LRRC4C: variants seen among roughly 807,000 people sequenced by gnomAD.
The protein encoded by LRRC4C is leucine rich repeat containing 4C, also known as leucine-rich repeat-containing protein 4C.
Under a neutral mutation model 33.6 loss-of-function variants are expected in LRRC4C, and 5 were observed. The ratio of observed to expected loss-of-function variants is 0.15; its 90% CI spans 0.08 to 0.31. The LOEUF is 0.31. LRRC4C is among the 10% of genes least tolerant of loss of function. The probability of loss-of-function intolerance (pLI) is 1.00; values close to 1 mark genes in which losing one functional copy is unlikely to be tolerated. For synonymous variants in LRRC4C, 329 were observed against 302.0 expected (o/e 1.09, Z -0.93); for missense variants, 560 against 796.7 (o/e 0.70, Z 3.58).
chr11:41,424,971 CAGAA>C (rs984554070), intron 1 of LRRC4C, among the ~76,000 whole-genome samples: 162 of 151,728 alleles, frequency 1.1e-3, no homozygotes, highest in African/African-American at 3.9e-3. Flanking sequence ...TAATTTTATA[CAGAA>C]AGAAATAGGA....
At chr11:41,431,629 AAG>A (rs908048945) in intron 1 of LRRC4C, among the ~76,000 whole-genome samples, 2 of 127,228 alleles carry the variant, frequency 1.6e-5, no homozygotes, top group Non-Finnish European at 3.7e-5. Flanking sequence ...CAAGATTTCT[AAG>A]AGTGTGTGTG....
At chr11:41,249,143 T>C (rs1591059635) in intron 1 of LRRC4C, among the ~76,000 whole-genome samples, 1 of 151,898 alleles carries the variant, frequency 6.6e-6, no homozygotes, top group Non-Finnish European at 1.5e-5. Context: ...CATGCCATTC[T>C]CCTGCCTCAG....
chr11:40,350,209 A>G (rs2137075304), intron 3 of LRRC4C, among the ~76,000 whole-genome samples: 1 of 152,196 alleles, frequency 6.6e-6, no homozygotes, highest in Admixed American at 6.6e-5. Flanking sequence ...TTCTTTTAGT[A>G]GTTTCATAGC....
intron 1 of LRRC4C, among the ~76,000 whole-genome samples, chr11:40,946,668 T>C (rs1201079780): frequency 6.6e-6 from 1 of 152,192 alleles, no homozygotes; most frequent in African/African-American, 2.4e-5. Context: ...TCCCTTATTG[T>C]GGTTTTGATT....
chr11:41,345,666 G>T (rs1234069509), intron 1 of LRRC4C, among the ~76,000 whole-genome samples: 1 of 152,132 alleles, frequency 6.6e-6, no homozygotes, highest in Non-Finnish European at 1.5e-5. Flanking sequence ...CATTTGCAGT[G>T]GTTCTTCATT....
intron 2 of LRRC4C, among the ~76,000 whole-genome samples, chr11:40,712,808 C>A (rs11036032): frequency 0.55 from 83,975 of 151,744 alleles, 23,422 homozygotes; most frequent in African/African-American, 0.59. Context: ...ATTAATAAAC[C>A]AAAGAGCATT....
At chr11:40,239,943 C>A (rs1470812) in intron 5 of LRRC4C, among the ~76,000 whole-genome samples, 2 of 152,058 alleles carry the variant, frequency 1.3e-5, no homozygotes, top group East Asian at 1.9e-4. Flanking sequence ...ATCAGCATCA[C>A]GTGCGAGCTT....
intron 3 of LRRC4C, among the ~76,000 whole-genome samples, chr11:40,456,925 A>C (rs1272521586): frequency 2.0e-5 from 3 of 151,752 alleles, no homozygotes; most frequent in African/African-American, 7.2e-5. Flanking sequence ...GAAGGGGAAA[A>C]AAAAGAAAAC....
intron 1 of LRRC4C, among the ~76,000 whole-genome samples, chr11:41,009,765 G>T (rs891602860): frequency 1.3e-5 from 2 of 152,098 alleles, no homozygotes; most frequent in African/African-American, 4.8e-5. Flanking sequence ...TTTTGGAGAG[G>T]CTACACATTT....
At chr11:40,665,308 TA>T (rs55827045) in intron 2 of LRRC4C, among the ~76,000 whole-genome samples, 1,319 of 43,142 alleles carry the variant, frequency 0.031, 26 homozygotes, top group Middle Eastern at 0.052. Context: ...ATTGCTTTCT[TA>T]AAAAAAAAAA....
chr11:41,345,419 A>C (rs1261542294), intron 1 of LRRC4C, among the ~76,000 whole-genome samples: 2 of 152,226 alleles, frequency 1.3e-5, no homozygotes, highest in Non-Finnish European at 2.9e-5. Flanking sequence ...TAATTGATAA[A>C]TGAATATTCA....
intron 3 of LRRC4C, among the ~76,000 whole-genome samples, chr11:40,565,359 G>A (rs1957713927): frequency 6.6e-6 from 1 of 152,148 alleles, no homozygotes; most frequent in Non-Finnish European, 1.5e-5. Context: ...TTAGTTGACA[G>A]CCACCAAGTC....
At chr11:40,118,888 T>C (rs1404133625) in intron 6 of LRRC4C, among the ~76,000 whole-genome samples, 1 of 152,130 alleles carries the variant, frequency 6.6e-6, no homozygotes, top group African/African-American at 2.4e-5. Flanking sequence ...GAGGTTAATA[T>C]GGGGCACAGA....
intron 1 of LRRC4C, among the ~76,000 whole-genome samples, chr11:41,165,371 TGAA>T (rs1389572461): frequency 6.6e-6 from 1 of 152,164 alleles, no homozygotes; most frequent in Non-Finnish European, 1.5e-5. Flanking sequence ...TGTTGCTCTG[TGAA>T]GAATTTCACA....
At chr11:40,399,223 C>T (rs1478878092) in intron 3 of LRRC4C, among the ~76,000 whole-genome samples, 1 of 152,108 alleles carries the variant, frequency 6.6e-6, no homozygotes, top group Non-Finnish European at 1.5e-5. Flanking sequence ...GCTATAAAGA[C>T]ACATGCACAC....
chr11:41,417,600 G>A (rs537440455), intron 1 of LRRC4C, among the ~76,000 whole-genome samples: 3 of 151,890 alleles, frequency 2.0e-5, no homozygotes, highest in Non-Finnish European at 4.4e-5. Context: ...ATTAGCACAG[G>A]CCCTCAGGAC....
At chr11:40,565,514 G>C (rs11822859) in intron 3 of LRRC4C, among the ~76,000 whole-genome samples, 18,446 of 152,066 alleles carry the variant, frequency 0.12, 1,195 homozygotes, top group Middle Eastern at 0.16. Flanking sequence ...TATTTTCCTT[G>C]GGGGACCTAG....
intron 5 of LRRC4C, among the ~76,000 whole-genome samples, chr11:40,207,171 T>G (rs916199992): frequency 6.6e-6 from 1 of 152,218 alleles, no homozygotes; most frequent in Non-Finnish European, 1.5e-5. Context: ...AAATGGCATT[T>G]TTTCTCTCCT....
rs894772431 is a variant in LRRC4C at position 40,481,396 on chromosome 11, T to G, written c.-269-161675A>C. ...ATATGAGCAAACATTTTGATGATTT[T>G]CTAAAGAATAAGCAAATATAACACT... On this transcript the variant is annotated intron_variant, in intron 3 of 6. Coordinates refer to ENST00000528697, the MANE Select transcript of LRRC4C (RefSeq NM_001258419.2). Among the ~76,000 whole-genome samples the G allele has an allele frequency of 1.2e-4, 18 of 152,276 alleles. No individual in the cohort carries two copies. The East Asian group carries it at 3.3e-3, about 28-fold the overall frequency.
Sources: allele counts gnomAD v4.1 joint callset (sites outside exome capture counted in the v4.1 genomes callset), GRCh38; gene constraint gnomAD v4.1.1; transcripts MANE v1.5; gene names NCBI Gene and HGNC (gene_info 2026-07-23, HGNC 2026-07-21).